Variants in NCF4 observed in about 807,000 individuals in gnomAD.
The protein encoded by NCF4 is neutrophil cytosol factor 4.
Under a neutral mutation model 41.7 loss-of-function variants are expected in NCF4, and 30 were observed. The observed-to-expected ratio is 0.72, with a 90% confidence interval of 0.54 to 0.97. The LOEUF (loss-of-function observed/expected upper bound fraction) is 0.97, where lower values mean the gene tolerates loss of function less well. Among genes scored for constraint, NCF4 ranks in the 50% least tolerant of loss-of-function variants. The pLI, the probability that NCF4 is intolerant of heterozygous loss-of-function variation, is 0.00. For synonymous variants in NCF4, 195 were observed against 175.8 expected, an observed-to-expected ratio of 1.11 and a Z score of -0.87; for missense variants, 432 against 460.9, an observed-to-expected ratio of 0.94 and a Z score of 0.57.
intron 9 of NCF4, among the ~76,000 whole-genome samples, chr22:36,876,689 C>T (rs1940201000): frequency 6.6e-6 from 1 of 152,166 alleles, no homozygotes; most frequent in South Asian, 2.1e-4. Flanking sequence ...ATTAACATGG[C>T]CATGCGCTTT....
At chr22:36,874,292 C>A (rs982890391) in intron 7 of NCF4, among the ~76,000 whole-genome samples, 2 of 152,216 alleles carry the variant, frequency 1.3e-5, no homozygotes, top group African/African-American at 4.8e-5. Flanking sequence ...TGTATTAGGT[C>A]CTGTCTTCAG....
rs771758194 is a variant in NCF4 at position 36,870,501 on chromosome 22, G to A, written c.429G>A (p.Val143=). The change falls in exon 5 of 10, where the codon GTG becomes GTA. Residue 143 remains valine, a synonymous_variant. Coordinates refer to ENST00000248899, the MANE Select transcript of NCF4 (RefSeq NM_000631.5). ...AGTCGCCCTATGACTCAGAGCAGGT[G>A]CCCCAGGCACTCCGCCGGCTCCGCC... is the stretch of plus-strand genomic sequence containing the variant. The part of the protein sequence containing the change: ...FYQSPYDSEQ[V]PQALRRLRPR... 1.2e-6 allele frequency: 2 copies of A among 1,613,672 alleles called. No homozygotes were observed. The highest frequency in any genetic ancestry group is 8.5e-7 in the Non-Finnish European group (1 of 1,180,034).
At chr22:36,869,689 G>C (rs920342857) in intron 4 of NCF4, among the ~76,000 whole-genome samples, 1 of 152,112 alleles carries the variant, frequency 6.6e-6, no homozygotes, top group African/African-American at 2.4e-5. Context: ...CGTCCTCACA[G>C]CTTCAAAGTC....
At position 36,865,717 on chromosome 22, in the gene NCF4, C is replaced by T. The variant is rs928445648; in HGVS notation, c.271+645C>T. Among the ~76,000 whole-genome samples the T allele has an allele frequency of 2.6e-4, 40 of 152,336 alleles. No homozygotes were observed. The highest frequency in any genetic ancestry group is 9.6e-4 in the African/African-American group (40 of 41,580). On this transcript the variant is annotated intron_variant, in intron 3 of 9. Transcript: ENST00000248899. This position sits in a 1 kb window ranked among gnomAD's most constrained non-coding sequence, Gnocchi z 4.3. ...GGTTACACGGGGGTGGTCTCAGCGG[C>T]GCCCTTCGTGCCCTGCAAGTTAGAG...
At chr22:36,861,806 T>A (rs1939780917) in intron 1 of NCF4, among the ~76,000 whole-genome samples, 1 of 152,224 alleles carries the variant, frequency 6.6e-6, no homozygotes, top group African/African-American at 2.4e-5. Flanking sequence ...CGCTGCTGTA[T>A]CACTAGGAGG....
chr22:36,861,629 C>A (rs572782088), intron 1 of NCF4, among the ~76,000 whole-genome samples: 2 of 152,238 alleles, frequency 1.3e-5, no homozygotes, highest in African/African-American at 4.8e-5. Flanking sequence ...CTCCAAGAAG[C>A]CTTCCTGACA....
intron 6 of NCF4, among the ~76,000 whole-genome samples, chr22:36,871,953 C>A (rs1007525190): frequency 6.6e-6 from 1 of 152,268 alleles, no homozygotes; most frequent in Non-Finnish European, 1.5e-5. Context: ...CTACGCTCAT[C>A]CGGACAGTTT....
chr22:36,868,728 T>A (rs1939986970), intron 4 of NCF4, among the ~76,000 whole-genome samples: 1 of 152,116 alleles, frequency 6.6e-6, no homozygotes, highest in South Asian at 2.1e-4. Context: ...GGCTCCTCAT[T>A]CCACACCTGG....
At chr22:36,866,271 T>G (rs1939925057) in intron 3 of NCF4, among the ~76,000 whole-genome samples, 1 of 152,038 alleles carries the variant, frequency 6.6e-6, no homozygotes, top group African/African-American at 2.4e-5. Context: ...GAAATTCCTC[T>G]CGGTGAGGTG....
chr22:36,872,919 T>C (rs537192733), intron 7 of NCF4, among the ~76,000 whole-genome samples: 2,079 of 143,010 alleles, frequency 0.015, 43 homozygotes, highest in African/African-American at 0.053. Flanking sequence ...AGGGTGGAGG[T>C]GAGACTGGAG....
intron 4 of NCF4, among the ~76,000 whole-genome samples, chr22:36,869,910 C>CT (rs1364349833): frequency 6.6e-6 from 1 of 151,940 alleles, no homozygotes; most frequent in Non-Finnish European, 1.5e-5. Context: ...TTTTGGGAGC[C>CT]CCCCACCCCC....
At chr22:36,875,832 A>G in intron 8 of NCF4, 49 bp downstream of exon 8, 1 of 1,613,762 alleles carries the variant, frequency 6.2e-7, no homozygotes, top group Non-Finnish European at 8.5e-7. Flanking sequence ...TGCCATCCCT[A>G]CGACCACTGC....
intron 3 of NCF4, 121 bp from the exon 4 acceptor site, chr22:36,867,269 CAG>C: frequency 1.0e-6 from 1 of 977,482 alleles, no homozygotes; most frequent in East Asian, 2.6e-5. Context: ...GAAAAGATAA[CAG>C]GGAAGAATGC....
At chr22:36,863,981 C>G (rs911868894) in intron 1 of NCF4, 64 bp from the exon 2 acceptor site, 1 of 1,468,766 alleles carries the variant, frequency 6.8e-7, no homozygotes, top group Non-Finnish European at 9.5e-7. Flanking sequence ...CTACCTCATA[C>G]CCGGTGGGCC....
intron 7 of NCF4, 95 bp from the exon 8 acceptor site, chr22:36,875,558 C>A: frequency 2.5e-6 from 3 of 1,183,046 alleles, no homozygotes; most frequent in Non-Finnish European, 3.7e-6. Context: ...ACCTCATCTG[C>A]CTTTCCCCAT....
chr22:36,871,754 T>A, intron 6 of NCF4, 45 bp downstream of exon 6: 1 of 1,546,064 alleles, frequency 6.5e-7, no homozygotes, highest in Non-Finnish European at 8.8e-7. Context: ...ACTGTGGGCA[T>A]CTGCCTTGGC....
In NCF4 at chr22:36,865,082, C is replaced by T. The variant is rs776616848; in HGVS notation, c.271+10C>T. ...CTGCCCACACTCCCAGGTAGGCGGC[C>T]ACTCCCGTCCTGCTGCTGCAGAGCT... is the stretch of plus-strand genomic sequence containing the variant. On this transcript the variant is annotated intron_variant, in intron 3 of 9. Coordinates refer to ENST00000248899, the MANE Select transcript of NCF4 (RefSeq NM_000631.5). The surrounding 1 kb of genome is among the most constrained non-coding windows in gnomAD (Gnocchi z 4.3). The T allele has an allele frequency of 3.1e-6, 5 of 1,607,754 alleles. No homozygotes were observed. The highest frequency in any genetic ancestry group is 2.2e-5 in the South Asian group (2 of 91,056).
chr22:36,861,020 C>A lies in NCF4; in HGVS notation c.-152C>A. The A allele has an allele frequency of 1.0e-6, 1 of 992,278 alleles. No homozygotes were observed. The highest frequency in any genetic ancestry group is 1.6e-6 in the Non-Finnish European group (1 of 639,878). The allele number at this position is 992,278 out of a possible 1,614,324, so 61.5% of individuals were successfully genotyped here. Reference sequence around the variant, plus strand: ...GAGCCTCTGCCAGACTGGAGAGAAGCAGGCCTGAGCCTCCCCAAAGGCAGC... The same window carrying A: ...GAGCCTCTGCCAGACTGGAGAGAAGAAGGCCTGAGCCTCCCCAAAGGCAGC... On this transcript the variant is annotated 5_prime_UTR_variant, in exon 1 of 10. Transcript: ENST00000248899.
At chr22:36,867,286 C>G (rs1939950140) in intron 3 of NCF4, 106 bp from the exon 4 acceptor site, 1 of 1,148,494 alleles carries the variant, frequency 8.7e-7, no homozygotes, top group African/African-American at 1.5e-5. Context: ...GAATGCTGAG[C>G]CATCGGGAAG....
Sources: allele counts gnomAD v4.1 joint callset (sites outside exome capture counted in the v4.1 genomes callset), GRCh38; gene constraint gnomAD v4.1.1; non-coding constraint Gnocchi (gnomAD v3.1); transcripts MANE v1.5; gene names NCBI Gene and HGNC (gene_info 2026-07-23, HGNC 2026-07-21).